Variants in NEGR1 observed in about 807,000 individuals in gnomAD.
NEGR1 encodes the protein IgLON family member 4.
NEGR1 carries 10 observed loss-of-function variants against 40.9 expected under a neutral mutation model. The ratio of observed to expected loss-of-function variants is 0.24; its 90% CI spans 0.15 to 0.42. The LOEUF (loss-of-function observed/expected upper bound fraction) is 0.42. Ranked by LOEUF, NEGR1 falls within the 10% of genes least tolerant of loss-of-function variation. The pLI, the probability that NEGR1 is intolerant of heterozygous loss-of-function variation, is 1.00. For missense variants in NEGR1, 352 were observed against 438.9 expected (o/e 0.80, Z 1.77); for synonymous variants, 185 against 166.8 (o/e 1.11, Z -0.84).
At chr1:71,668,017 T>C (rs1652298068) in intron 4 of NEGR1, among the ~76,000 whole-genome samples, 1 of 152,234 alleles carries the variant, frequency 6.6e-6, no homozygotes, top group Non-Finnish European at 1.5e-5. Flanking sequence ...TTTATGTTTT[T>C]TCCCTTTTTT....
chr1:72,063,780 G>A (rs191577153), intron 1 of NEGR1, among the ~76,000 whole-genome samples: 1 of 151,868 alleles, frequency 6.6e-6, no homozygotes, highest in Non-Finnish European at 1.5e-5. Context: ...TTTTAATCAT[G>A]ACTATTAAGC....
intron 2 of NEGR1, among the ~76,000 whole-genome samples, chr1:71,840,808 A>G (rs1380230010): frequency 6.6e-6 from 1 of 152,176 alleles, no homozygotes; most frequent in Non-Finnish European, 1.5e-5. Context: ...TTGAAATGAA[A>G]TTAACATTTA....
At position 72,282,446 on chromosome 1, in the gene NEGR1, G is replaced by A. The variant is rs1185193051; in HGVS notation, c.49C>T (p.Leu17=). The A allele has an allele frequency of 6.2e-7, 1 of 1,613,806 alleles. No homozygotes were observed. The highest frequency in any genetic ancestry group is 8.5e-7 in the Non-Finnish European group (1 of 1,179,966). ...CACAGGCTGAGGAGCACCGCCGCCA[G>A]CCACTGGTTCGAGCAACAAGCACCC... ...VQGACCSNQW[L]AAVLLSLCCL... The change falls in exon 1 of 7, where the codon CTG becomes TTG. Residue 17 remains leucine (L), a synonymous_variant. Coordinates refer to ENST00000357731, the MANE Select transcript of NEGR1 (RefSeq NM_173808.3).
intron 4 of NEGR1, among the ~76,000 whole-genome samples, chr1:71,696,147 C>G (rs1653467691): frequency 6.6e-6 from 1 of 151,712 alleles, no homozygotes; most frequent in African/African-American, 2.4e-5. Flanking sequence ...AGTTTCTGTT[C>G]TTTTGCTTTA....
At chr1:71,446,064 T>C (rs1197154500) in intron 6 of NEGR1, among the ~76,000 whole-genome samples, 1 of 152,218 alleles carries the variant, frequency 6.6e-6, no homozygotes, top group Non-Finnish European at 1.5e-5. Context: ...AGTGAAGACA[T>C]CTCAGAATAT....
chr1:71,942,091 G>GAA (rs150506802), intron 1 of NEGR1, among the ~76,000 whole-genome samples: 20 of 143,290 alleles, frequency 1.4e-4, no homozygotes, highest in African/African-American at 4.8e-4. Context: ...TAGCAAAAAA[G>GAA]AAAAAAAAAA....
At chr1:71,787,178 G>A (rs1177487173) in intron 2 of NEGR1, among the ~76,000 whole-genome samples, 1 of 152,166 alleles carries the variant, frequency 6.6e-6, no homozygotes, top group East Asian at 1.9e-4. Context: ...AAGCAACCAC[G>A]TTTGGGCACA....
chr1:71,765,021 C>T (rs1253564765), intron 3 of NEGR1, among the ~76,000 whole-genome samples: 1 of 151,644 alleles, frequency 6.6e-6, no homozygotes, highest in Non-Finnish European at 1.5e-5. Context: ...CAAAGCCAAA[C>T]TTGCACCAAA....
intron 1 of NEGR1, among the ~76,000 whole-genome samples, chr1:72,186,304 T>C (rs71653511): frequency 6.6e-6 from 1 of 151,748 alleles, no homozygotes; most frequent in African/African-American, 2.4e-5. Flanking sequence ...TTTTACTCTG[T>C]TCATAATTTC....
intron 6 of NEGR1, among the ~76,000 whole-genome samples, chr1:71,450,636 G>A (rs921715277): frequency 6.6e-6 from 1 of 150,870 alleles, no homozygotes; most frequent in Non-Finnish European, 1.5e-5. Context: ...GTGAAATCCT[G>A]TCACTACTAG....
chr1:71,769,606 G>T (rs1013473665), intron 3 of NEGR1, among the ~76,000 whole-genome samples: 1 of 151,992 alleles, frequency 6.6e-6, no homozygotes, highest in Non-Finnish European at 1.5e-5. Context: ...ATTTTGCTTG[G>T]CACTTCTCTT....
At position 72,267,354 on chromosome 1, in the gene NEGR1, T is replaced by C. The variant is rs530666440; in HGVS notation, c.176+14965A>G. Among the ~76,000 whole-genome samples the C allele has an allele frequency of 4.4e-4, 66 of 151,288 alleles. No individual in the cohort carries two copies. The South Asian group carries it at 0.013, about 30-fold the overall frequency. ...ATAGCAAGAATAATATATTCTTATA[T>C]AGGAGAAGAAAGGTGAACAGGAATT... On this transcript the variant is annotated intron_variant, in intron 1 of 6. Coordinates refer to ENST00000357731, the MANE Select transcript of NEGR1 (RefSeq NM_173808.3).
chr1:71,884,134 G>T (rs1010330624), intron 2 of NEGR1, among the ~76,000 whole-genome samples: 1 of 152,034 alleles, frequency 6.6e-6, no homozygotes, highest in African/African-American at 2.4e-5. Context: ...AAGCAGTTCA[G>T]CTCATTCCCT....
rs562148946 is a variant in NEGR1 at position 72,135,404 on chromosome 1, C to CAA, written c.176+146913_176+146914dup. ...AAAAAAAAAAACAAAAAACAAAAAA[C>CAA]AAAAAAAAAAACAAAACCAAAAAAA... On this transcript the variant is annotated intron_variant, in intron 1 of 6. Transcript: ENST00000357731. Among the ~76,000 whole-genome samples, 448 of 65,770 alleles carry CAA rather than the reference C, an allele frequency of 6.8e-3. 6 individuals are homozygous for CAA. The highest frequency in any genetic ancestry group is 8.6e-3 in the Non-Finnish European group (335 of 38,768). 43.1% of individuals were successfully genotyped at this position (65,770 alleles called of 152,430 possible). A position where few individuals can be genotyped will look rare whatever the true frequency, so the allele number is the denominator to read the frequency against.
intron 1 of NEGR1, among the ~76,000 whole-genome samples, chr1:72,045,308 A>T (rs1411559000): frequency 6.6e-6 from 1 of 151,794 alleles, no homozygotes; most frequent in East Asian, 1.9e-4. Flanking sequence ...ACTAGAAACA[A>T]ACAAGTTAGA....
At chr1:71,859,179 C>G (rs962605714) in intron 2 of NEGR1, among the ~76,000 whole-genome samples, 1 of 152,044 alleles carries the variant, frequency 6.6e-6, no homozygotes, top group Admixed American at 6.6e-5. Flanking sequence ...CATTCTTTGA[C>G]CTCCTACTTC....
chr1:72,122,143 C>T (rs1454189360), intron 1 of NEGR1, among the ~76,000 whole-genome samples: 1 of 151,954 alleles, frequency 6.6e-6, no homozygotes, highest in Non-Finnish European at 1.5e-5. Context: ...CCAAAACTCC[C>T]ATACTCAATA....
rs984972375 is a variant in NEGR1 at position 71,684,175 on chromosome 1, TAGG to T, written c.667+13830_667+13832del. ...GTCCCAGCTACTGGGGAGGCTGAGG[TAGG>T]AGAATGACGTGAACCCGGGAGGGCG... On this transcript the variant is annotated intron_variant, in intron 4 of 6. Transcript: ENST00000357731. Among the ~76,000 whole-genome samples the T allele has an allele frequency of 3.8e-4, 58 of 151,810 alleles. 1 individual carries two copies. Among genetic ancestry groups the T allele is most frequent in the African/African-American group, 1.4e-3 (57 of 41,382 alleles).
chr1:71,905,762 T>C (rs1270507452), intron 2 of NEGR1, among the ~76,000 whole-genome samples: 1 of 151,900 alleles, frequency 6.6e-6, no homozygotes, highest in Admixed American at 6.6e-5. Context: ...TGAAGGTACA[T>C]GTGTTAAGAG....
Sources: gnomAD v4.1 joint callset for allele counts (sites outside exome capture counted in the v4.1 genomes callset) on GRCh38, gnomAD v4.1.1 for gene constraint, MANE v1.5 for transcripts, NCBI Gene and HGNC (gene_info 2026-07-23, HGNC 2026-07-21) for gene names.